The following AASS variants were observed in gnomAD, a reference collection of about 807,000 sequenced individuals.
AASS encodes the protein aminoadipate-semialdehyde synthase.
A neutral mutation model predicts 105.4 loss-of-function variants in AASS; 86 were observed. The observed-to-expected ratio is 0.82, with a 90% CI of 0.69 to 0.98. AASS has a LOEUF of 0.98. Ranked by LOEUF, AASS falls within the 50% of genes least tolerant of loss-of-function variation. The probability of loss-of-function intolerance (pLI) is 0.00; values close to 1 mark genes in which losing one functional copy is unlikely to be tolerated. For synonymous variants in AASS, 381 were observed against 394.8 expected (o/e 0.96, Z 0.41); for missense variants, 1,048 against 1,143.2 (o/e 0.92, Z 1.20).
intron 19 of AASS, among the ~76,000 whole-genome samples, chr7:122,085,707 C>A (rs945071760): frequency 3.3e-5 from 5 of 152,130 alleles, no homozygotes; most frequent in African/African-American, 1.2e-4. Context: ...GCACTTGAAA[C>A]TCCTGTGAAT....
In AASS at chr7:122,098,856, G is replaced by A. The variant is rs763891817; in HGVS notation, c.1417C>T (p.Gln473Ter). ...QTLRESRERA[Q>*]SLSMGTRRKV... Reference sequence around the variant, plus strand: ...CTCCTGGTGCCCATTGAAAGTGACTGAGCACGTTCCCTATTTAAAAAAAAA... The same window carrying A: ...CTCCTGGTGCCCATTGAAAGTGACTAAGCACGTTCCCTATTTAAAAAAAAA... The change falls in exon 14 of 24, where the codon CAG (glutamine) becomes TAG (stop). Residue 473 changes from glutamine (Q) to a stop codon, truncating the protein, a stop_gained. Coordinates refer to ENST00000417368, the MANE Select transcript of AASS (RefSeq NM_005763.4). LOFTEE classifies it high-confidence loss of function. The A allele has an allele frequency of 1.5e-6, 2 of 1,325,098 alleles. No individual in the cohort carries two copies. Among genetic ancestry groups the A allele is most frequent in the Non-Finnish European group, 2.1e-6 (2 of 967,470 alleles). The allele number at this position is 1,325,098 out of a possible 1,614,324, so 82.1% of individuals were successfully genotyped here. A position where few individuals can be genotyped will look rare whatever the true frequency, so the allele number is the denominator to read the frequency against.
intron 20 of AASS, 142 bp from the exon 21 acceptor site, chr7:122,079,854 A>G: frequency 1.5e-6 from 1 of 679,468 alleles, no homozygotes; most frequent in Non-Finnish European, 2.7e-6. Context: ...AGGAAATTGT[A>G]ACACATACAC....
At chr7:122,141,235 G>A (rs1390272563) in intron 1 of AASS, among the ~76,000 whole-genome samples, 2 of 152,094 alleles carry the variant, frequency 1.3e-5, no homozygotes, top group Non-Finnish European at 2.9e-5. Flanking sequence ...TAGACTTTGG[G>A]GGAGGAGGTC....
chr7:122,079,854 AAC>A (rs1222939327), intron 20 of AASS, 142 bp from the exon 21 acceptor site: 5 of 679,352 alleles, frequency 7.4e-6, no homozygotes, highest in African/African-American at 1.8e-5. Flanking sequence ...AGGAAATTGT[AAC>A]ACATACACAC....
At chr7:122,127,895 T>C (rs563115491) in intron 3 of AASS, among the ~76,000 whole-genome samples, 1 of 152,290 alleles carries the variant, frequency 6.6e-6, no homozygotes, top group South Asian at 2.1e-4. Context: ...TTCAGACTCA[T>C]ATCCAACAGC....
At position 122,076,263 on chromosome 7, in the gene AASS, T is replaced by C. The variant is rs1267985071; in HGVS notation, c.*226A>G. 3 of 484,092 alleles carry C rather than the reference T, an allele frequency of 6.2e-6. No individual in the cohort carries two copies. Among genetic ancestry groups the C allele is most frequent in the Non-Finnish European group, 1.1e-5 (3 of 272,130 alleles). 30.0% of individuals were successfully genotyped at this position (484,092 alleles called of 1,614,324 possible). ...ATGATCATCACTTTCACATACGTAT[T>C]TATAAAATACAGGGTAGAATTATTA... On this transcript the variant is annotated 3_prime_UTR_variant, in exon 24 of 24. Coordinates refer to ENST00000417368, the MANE Select transcript of AASS (RefSeq NM_005763.4).
chr7:122,134,099 CTT>C (rs72457013), intron 1 of AASS, among the ~76,000 whole-genome samples: 1,613 of 152,222 alleles, frequency 0.011, 27 homozygotes, highest in African/African-American at 0.037. Flanking sequence ...AAGAGCAAGA[CTT>C]TCAGATTGGT....
chr7:122,098,872 TAAAAAAAAAAAAA>T lies in AASS; in HGVS notation c.1407-19_1407-7del, dbSNP rs34474265. ...AAAGTGACTGAGCACGTTCCCTATT[TAAAAAAAAAAAAA>T]AAAAAAAAAAAGGGAAGGGGCTAAT... On this transcript the variant is annotated splice_region_variant and splice_polypyrimidine_tract_variant and intron_variant, in intron 13 of 23. Coordinates refer to ENST00000417368, the MANE Select transcript of AASS (RefSeq NM_005763.4). The T allele has an allele frequency of 7.7e-6, 9 of 1,167,176 alleles. No homozygotes were observed. In the East Asian group the frequency reaches 1.5e-4, roughly 20 times the overall value. The allele number at this position is 1,167,176 out of a possible 1,614,324, so 72.3% of individuals were successfully genotyped here.
chr7:122,107,371 G>A (rs1794714287), intron 11 of AASS, among the ~76,000 whole-genome samples: 1 of 152,056 alleles, frequency 6.6e-6, no homozygotes. Context: ...CTTCAACCCA[G>A]CAATCCATTA....
At chr7:122,142,132 A>G (rs1437187364) in intron 1 of AASS, among the ~76,000 whole-genome samples, 3 of 152,192 alleles carry the variant, frequency 2.0e-5, no homozygotes, top group Admixed American at 6.5e-5. Flanking sequence ...TCAGCGGCCA[A>G]ACTTACTCTG....
At chr7:122,098,229 T>G (rs936468667) in intron 15 of AASS, among the ~76,000 whole-genome samples, 1 of 151,964 alleles carries the variant, frequency 6.6e-6, no homozygotes, top group African/African-American at 2.4e-5. Context: ...GGGGAATTAC[T>G]GATACTCTTG....
chr7:122,103,541 T>G (rs986557221), intron 11 of AASS, among the ~76,000 whole-genome samples: 2 of 152,042 alleles, frequency 1.3e-5, no homozygotes, highest in Non-Finnish European at 2.9e-5. Flanking sequence ...TAAAGGTAGA[T>G]ATATATTCAA....
intron 1 of AASS, among the ~76,000 whole-genome samples, chr7:122,137,982 A>C (rs926182140): frequency 6.6e-6 from 1 of 152,260 alleles, no homozygotes; most frequent in South Asian, 2.1e-4. Flanking sequence ...AAGAGCTAGA[A>C]AGAACAAAGA....
rs888592560 is a variant in AASS at position 122,144,172 on chromosome 7, T to A, written c.-27A>T. On this transcript the variant is annotated 5_prime_UTR_variant, in exon 1 of 24. Transcript: ENST00000417368. ...TCTCCTCTCCTCACCTCGTCCGCTC[T>A]GGGGCGCCGACTTGTCCCCCGCCGC... 1 of 152,396 alleles carries A rather than the reference T, an allele frequency of 6.6e-6. No homozygotes were observed. The highest frequency in any genetic ancestry group is 1.5e-5 in the Non-Finnish European group (1 of 68,188). The allele number at this position is 152,396 out of a possible 1,614,324, so 9.4% of individuals were successfully genotyped here.
Position 122,082,865 on chromosome 7 carries a change from C to T in AASS, c.2185-1270G>A, listed in dbSNP as rs1793431460. On this transcript the variant is annotated intron_variant, in intron 19 of 23. Coordinates refer to ENST00000417368, the MANE Select transcript of AASS (RefSeq NM_005763.4). ...AAGGTATTCAACATTATTCAACATT[C>T]CAATCCATTATTCAGCATTCCAATC... is the stretch of plus-strand genomic sequence containing the variant. The T allele has an allele frequency of 2.3e-6, 3 of 1,289,308 alleles. No homozygotes were observed. In the Admixed American group the frequency reaches 6.9e-5, roughly 30 times the overall value. 79.9% of individuals were successfully genotyped at this position (1,289,308 alleles called of 1,614,324 possible). A position where few individuals can be genotyped will look rare whatever the true frequency, so the allele number is the denominator to read the frequency against.
chr7:122,137,066 A>G (rs1174522085), intron 1 of AASS, among the ~76,000 whole-genome samples: 1 of 152,226 alleles, frequency 6.6e-6, no homozygotes, highest in Non-Finnish European at 1.5e-5. Context: ...CACTTTTTGC[A>G]TGGAAGGCTT....
intron 11 of AASS, 137 bp downstream of exon 11, chr7:122,112,981 G>A (rs1795005118): frequency 2.7e-6 from 2 of 739,918 alleles, no homozygotes; most frequent in Admixed American, 2.0e-5. Flanking sequence ...AATAGTATCA[G>A]TAAGTATTTC....
chr7:122,144,001 C>T (rs1029711593), intron 1 of AASS, among the ~76,000 whole-genome samples, 160 bp downstream of exon 1: 1 of 152,192 alleles, frequency 6.6e-6, no homozygotes. Context: ...CCTCTCTCGG[C>T]CCGGCCGGGG....
Position 122,110,786 on chromosome 7 carries a change from C to A in AASS, c.1278+2332G>T, listed in dbSNP as rs1315073984. Reference sequence around the variant, plus strand: ...TGTGGAGATATATATATATATATATCTCCACAACCCCAAATGTCTACCAAT... The same window carrying A: ...TGTGGAGATATATATATATATATATATCCACAACCCCAAATGTCTACCAAT... On this transcript the variant is annotated intron_variant, in intron 11 of 23. Coordinates refer to ENST00000417368, the MANE Select transcript of AASS (RefSeq NM_005763.4). Among the ~76,000 whole-genome samples the A allele has an allele frequency of 4.0e-5, 6 of 151,204 alleles. No homozygotes were observed. In the South Asian group the frequency reaches 6.3e-4, roughly 16 times the overall value.
Sources: gnomAD v4.1 joint callset for allele counts (sites outside exome capture counted in the v4.1 genomes callset) on GRCh38, gnomAD v4.1.1 for gene constraint, MANE v1.5 for transcripts, NCBI Gene and HGNC (gene_info 2026-07-23, HGNC 2026-07-21) for gene names.